The following TBC1D8 variants were observed in gnomAD, a reference collection of about 807,000 sequenced individuals.
TBC1D8 encodes the protein BUB2-like protein 1.
In TBC1D8, 65 loss-of-function variants were observed where a neutral mutation model predicts 118.8. The observed-to-expected ratio is 0.55, with a 90% CI of 0.45 to 0.67. The LOEUF (loss-of-function observed/expected upper bound fraction) is 0.67, where lower values mean the gene tolerates loss of function less well. TBC1D8 is among the 30% of genes least tolerant of loss of function. The pLI is 0.00. For missense variants in TBC1D8, 1,376 were observed against 1,471.2 expected (o/e 0.94, Z 1.06); for synonymous variants, 566 against 595.8 (o/e 0.95, Z 0.73).
chr2:101,068,977 G>A (rs1447079771), intron 2 of TBC1D8, among the ~76,000 whole-genome samples: 1 of 150,798 alleles, frequency 6.6e-6, no homozygotes, highest in Non-Finnish European at 1.5e-5. Context: ...TCCAGCCTGG[G>A]CGACAAGAGC....
intron 2 of TBC1D8, among the ~76,000 whole-genome samples, chr2:101,060,261 T>C (rs994395481): frequency 1.3e-5 from 2 of 152,154 alleles, no homozygotes; most frequent in African/African-American, 2.4e-5. Flanking sequence ...AGTTCTCCCA[T>C]GAAAACAAGG....
At chr2:101,121,911 C>G (rs1417226221) in intron 1 of TBC1D8, among the ~76,000 whole-genome samples, 1 of 151,756 alleles carries the variant, frequency 6.6e-6, no homozygotes, top group Non-Finnish European at 1.5e-5. Context: ...ACTAAAAATA[C>G]AAAAATCAGC....
intron 2 of TBC1D8, among the ~76,000 whole-genome samples, chr2:101,087,156 C>T (rs976679496): frequency 7.9e-5 from 12 of 152,190 alleles, no homozygotes; most frequent in African/African-American, 2.9e-4. Context: ...GGGCCGCACG[C>T]AACCAGCAGG....
chr2:101,040,164 T>C lies in TBC1D8; in HGVS notation c.1080+14A>G, dbSNP rs1370914722. On this transcript the variant is annotated intron_variant, in intron 6 of 19. Transcript: ENST00000409318. ...AAAGGCTGCTTCGGGAAGCAGACAG[T>C]AGGGCCAGTCTACCTCTCTGAGTGG... 2 of 1,612,186 alleles carry C rather than the reference T, an allele frequency of 1.2e-6. No homozygotes were observed. The highest frequency in any genetic ancestry group is 1.1e-5 in the South Asian group (1 of 90,900).
chr2:101,131,185 A>C (rs1262235585), intron 1 of TBC1D8, among the ~76,000 whole-genome samples: 3 of 152,170 alleles, frequency 2.0e-5, no homozygotes, highest in African/African-American at 7.2e-5. Context: ...CTATGGGCAC[A>C]AGTCACTGAG....
chr2:101,099,809 CA>C (rs1676707043), intron 1 of TBC1D8, among the ~76,000 whole-genome samples: 1 of 152,192 alleles, frequency 6.6e-6, no homozygotes, highest in Non-Finnish European at 1.5e-5. Flanking sequence ...TAAAATTCAA[CA>C]TCCCTTCATG....
At chr2:101,068,145 A>AC (rs1683118888) in intron 2 of TBC1D8, among the ~76,000 whole-genome samples, 1 of 151,652 alleles carries the variant, frequency 6.6e-6, no homozygotes, top group Admixed American at 6.6e-5. Context: ...GAAGCCTTGA[A>AC]CCCCCGAAGC....
At chr2:101,040,800 T>C (rs1681339241) in intron 5 of TBC1D8, among the ~76,000 whole-genome samples, 1 of 152,208 alleles carries the variant, frequency 6.6e-6, no homozygotes, top group South Asian at 2.1e-4. Context: ...ACTGGCACAA[T>C]TTGTATTTAA....
At chr2:101,125,606 C>T (rs1053170790) in intron 1 of TBC1D8, among the ~76,000 whole-genome samples, 3 of 152,188 alleles carry the variant, frequency 2.0e-5, no homozygotes, top group African/African-American at 7.2e-5. Flanking sequence ...CACAAGCATT[C>T]AAGATCAGAA....
intron 2 of TBC1D8, among the ~76,000 whole-genome samples, chr2:101,079,765 A>C (rs1675136902): frequency 7.2e-6 from 1 of 139,482 alleles, no homozygotes; most frequent in African/African-American, 2.7e-5. Context: ...GGCTCACTAC[A>C]AGCTCCGCCT....
At chr2:101,098,862 A>G (rs1676644495) in intron 1 of TBC1D8, among the ~76,000 whole-genome samples, 1 of 152,198 alleles carries the variant, frequency 6.6e-6, no homozygotes, top group South Asian at 2.1e-4. Flanking sequence ...CAGCTAAAGC[A>G]GTGTTAAGAG....
At chr2:101,031,665 G>A (rs1265496313) in intron 11 of TBC1D8, among the ~76,000 whole-genome samples, 1 of 152,174 alleles carries the variant, frequency 6.6e-6, no homozygotes, top group African/African-American at 2.4e-5. Flanking sequence ...CCCAGTGCAG[G>A]AGCGTTGCAA....
Position 101,008,159 on chromosome 2 carries a change from C to T in TBC1D8, c.3130G>A (p.Glu1044Lys). The T allele has an allele frequency of 3.1e-6, 5 of 1,613,804 alleles. No individual in the cohort carries two copies. The highest frequency in any genetic ancestry group is 3.4e-6 in the Non-Finnish European group (4 of 1,179,800). Residue 1044 changes from glutamate (E) to lysine (K), a missense_variant, in exon 20 of 20, where the codon GAG becomes AAG. Coordinates refer to ENST00000409318, the MANE Select transcript of TBC1D8 (RefSeq NM_001330348.2). ...GAGCTGCTGCCTCGCTGCCCCACCT[C>T]CCCGATCTGCAGCAGCAGTGTGGTG... ...TVTTLLLQIG[E>K]VGQRGSSSGS...
chr2:101,103,685 C>T (rs1304362756), intron 1 of TBC1D8, among the ~76,000 whole-genome samples: 1 of 152,148 alleles, frequency 6.6e-6, no homozygotes, highest in Non-Finnish European at 1.5e-5. Context: ...AGCCACCGCG[C>T]ATGGCCAGAA....
intron 1 of TBC1D8, among the ~76,000 whole-genome samples, chr2:101,122,325 C>G (rs567379764): frequency 1.4e-5 from 2 of 143,576 alleles, no homozygotes; most frequent in African/African-American, 5.1e-5. Flanking sequence ...CCTGCCCTGG[C>G]CTCCCAAAGT....
At chr2:101,144,111 C>T (rs975310009) in intron 1 of TBC1D8, among the ~76,000 whole-genome samples, 1 of 152,174 alleles carries the variant, frequency 6.6e-6, no homozygotes, top group African/African-American at 2.4e-5. Flanking sequence ...TGTACTTGAT[C>T]CCCTCAAGAT....
At chr2:101,066,790 C>T (rs1269552271) in intron 2 of TBC1D8, among the ~76,000 whole-genome samples, 1 of 152,026 alleles carries the variant, frequency 6.6e-6, no homozygotes, top group East Asian at 1.9e-4. Flanking sequence ...ATTAAAAATA[C>T]GAAAGTTAGC....
At chr2:101,139,890 G>A (rs957449345) in intron 1 of TBC1D8, among the ~76,000 whole-genome samples, 4 of 151,904 alleles carry the variant, frequency 2.6e-5, no homozygotes, top group African/African-American at 4.8e-5. Flanking sequence ...TCAGTGTTTC[G>A]TGGCTTAGTA....
intron 4 of TBC1D8, among the ~76,000 whole-genome samples, chr2:101,053,508 A>G (rs1221288949): frequency 2.0e-5 from 3 of 152,234 alleles, no homozygotes; most frequent in African/African-American, 7.2e-5. Context: ...ACTTGAAACA[A>G]TATTTGGTTC....
Sources: gnomAD v4.1 joint callset for allele counts (sites outside exome capture counted in the v4.1 genomes callset) on GRCh38, gnomAD v4.1.1 for gene constraint, MANE v1.5 for transcripts, NCBI Gene and HGNC (gene_info 2026-07-23, HGNC 2026-07-21) for gene names.